SCN3A: variants seen among roughly 807,000 people sequenced by gnomAD.
SCN3A encodes the protein sodium channel protein type 3 subunit alpha.
Under a neutral mutation model 187.6 loss-of-function variants are expected in SCN3A, and 60 were observed. The observed-to-expected ratio is 0.32, with a 90% CI of 0.26 to 0.40. The LOEUF is 0.40. Ranked by LOEUF, SCN3A falls within the 10% of genes least tolerant of loss-of-function variation. The pLI is 1.00. For missense variants in SCN3A, 1,601 were observed against 2,428.2 expected (o/e 0.66, Z 7.16); for synonymous variants, 788 against 829.2 (o/e 0.95, Z 0.85).
At chr2:165,142,722 CGTG>C (rs1688081624) in intron 12 of SCN3A, among the ~76,000 whole-genome samples, 1 of 111,916 alleles carries the variant, frequency 8.9e-6, no homozygotes, top group African/African-American at 3.5e-5. Context: ...ATCCAGAACT[CGTG>C]TTGTTGTTGT....
At position 165,153,986 on chromosome 2, in the gene SCN3A, C is replaced by CTTTTTTTTT. The variant is rs1559237785; in HGVS notation, c.1380+465_1380+466insAAAAAAAAA. 6.6e-4 allele frequency among the ~76,000 whole-genome samples: 26 copies of CTTTTTTTTT among 39,138 alleles called. 1 individual carries two copies. Among genetic ancestry groups the CTTTTTTTTT allele is most frequent in the African/African-American group, 2.0e-3 (15 of 7,532 alleles). The allele number at this position is 39,138 out of a possible 152,430, so 25.7% of individuals were successfully genotyped here. A position where few individuals can be genotyped will look rare whatever the true frequency, so the allele number is the denominator to read the frequency against. Reference sequence around the variant, plus strand: ...ATATCCTGATGTGGGCTATAGCAAACATTTTTTTTTTTTTTTTTTTTTGCT... The same window carrying CTTTTTTTTT: ...ATATCCTGATGTGGGCTATAGCAAACTTTTTTTTTATTTTTTTTTTTTTTTTTTTTTGCT... On this transcript the variant is annotated intron_variant, in intron 11 of 27. Coordinates refer to ENST00000283254, the MANE Select transcript of SCN3A (RefSeq NM_006922.4).
chr2:165,161,310 A>G (rs1689383107), intron 9 of SCN3A, among the ~76,000 whole-genome samples: 1 of 151,676 alleles, frequency 6.6e-6, no homozygotes, highest in South Asian at 2.1e-4. Flanking sequence ...TACTCTCTCC[A>G]TTTTAACGAT....
intron 21 of SCN3A, among the ~76,000 whole-genome samples, chr2:165,107,469 A>G (rs1174102631): frequency 6.6e-6 from 1 of 152,234 alleles, no homozygotes; most frequent in Non-Finnish European, 1.5e-5. Flanking sequence ...AATTAATATG[A>G]AATGACAATA....
chr2:165,094,689 A>T (rs1049488269), intron 25 of SCN3A, among the ~76,000 whole-genome samples: 2 of 152,148 alleles, frequency 1.3e-5, no homozygotes, highest in Admixed American at 6.5e-5. Flanking sequence ...TCGCTACAGG[A>T]TCCTAATTTG....
In SCN3A at chr2:165,187,628, A is replaced by AT. The variant is rs1040939301; in HGVS notation, c.-247-882dup. On this transcript the variant is annotated intron_variant, in intron 1 of 27. Coordinates refer to ENST00000283254, the MANE Select transcript of SCN3A (RefSeq NM_006922.4). ...CAGATGAACTCTCTCCTAAGCCATC[A>AT]TTTTTTTTCTCTATTCTGTTACCGG... 7.9e-5 allele frequency among the ~76,000 whole-genome samples: 12 copies of AT among 152,074 alleles called. No homozygotes were observed. The South Asian group carries it at 1.5e-3, about 18-fold the overall frequency.
At chr2:165,180,913 CT>C (rs1467523844) in intron 2 of SCN3A, among the ~76,000 whole-genome samples, 1 of 152,010 alleles carries the variant, frequency 6.6e-6, no homozygotes, top group Admixed American at 6.6e-5. Flanking sequence ...ACCCAAAGAA[CT>C]TTTGTTTATC....
intron 3 of SCN3A, among the ~76,000 whole-genome samples, chr2:165,172,639 G>A (rs1257579849): frequency 1.3e-5 from 2 of 152,104 alleles, no homozygotes; most frequent in East Asian, 1.9e-4. Context: ...TTCTGCTTGC[G>A]ACATTAGGAG....
chr2:165,100,160 A>G lies in SCN3A; in HGVS notation c.3966+142T>C. 5 of 1,003,774 alleles carry G rather than the reference A, an allele frequency of 5.0e-6. No individual in the cohort carries two copies. The South Asian group carries it at 5.4e-5, about 11-fold the overall frequency. The allele number at this position is 1,003,774 out of a possible 1,614,324, so 62.2% of individuals were successfully genotyped here. On this transcript the variant is annotated intron_variant, in intron 22 of 27. Transcript: ENST00000283254. ...AAATAAACTCCAGTTTCAGAAGGCTAGGCTTTGTGATATCTAAGATTTTTG... is the reference window on the plus strand; with the variant it reads ...AAATAAACTCCAGTTTCAGAAGGCTGGGCTTTGTGATATCTAAGATTTTTG...
intron 1 of SCN3A, among the ~76,000 whole-genome samples, chr2:165,196,739 C>T (rs1667555117): frequency 6.6e-6 from 1 of 152,130 alleles, no homozygotes; most frequent in African/African-American, 2.4e-5. Flanking sequence ...TTTTAAAATG[C>T]ATTTTGGCTT....
At chr2:165,094,824 C>A (rs1467096173) in intron 25 of SCN3A, among the ~76,000 whole-genome samples, 1 of 152,166 alleles carries the variant, frequency 6.6e-6, no homozygotes, top group African/African-American at 2.4e-5. Flanking sequence ...TTAACACTTT[C>A]TGTGTGCTAG....
At chr2:165,094,794 A>G (rs1335023658) in intron 25 of SCN3A, among the ~76,000 whole-genome samples, 1 of 152,222 alleles carries the variant, frequency 6.6e-6, no homozygotes, top group Non-Finnish European at 1.5e-5. Context: ...CGATAATTTT[A>G]CTTCTTCATT....
chr2:165,130,950 A>T (rs1383432424), intron 16 of SCN3A, among the ~76,000 whole-genome samples: 1 of 152,112 alleles, frequency 6.6e-6, no homozygotes, highest in Non-Finnish European at 1.5e-5. Context: ...TTATTTGCGT[A>T]TCTTTACAGA....
intron 11 of SCN3A, among the ~76,000 whole-genome samples, chr2:165,148,479 A>G (rs1688488381): frequency 6.6e-6 from 1 of 152,012 alleles, no homozygotes; most frequent in Admixed American, 6.6e-5. Context: ...AAACTCTCCT[A>G]AGTAGTTTTC....
chr2:165,166,038 AG>A (rs1477318952), intron 5 of SCN3A, among the ~76,000 whole-genome samples: 1 of 152,232 alleles, frequency 6.6e-6, no homozygotes, highest in Non-Finnish European at 1.5e-5. Context: ...CTGTAGAGAT[AG>A]CTGGCCTTTT....
rs564533384 is a variant in SCN3A at position 165,203,234 on chromosome 2, T to C, written c.-248+589A>G. Among the ~76,000 whole-genome samples the C allele has an allele frequency of 1.0e-3, 156 of 152,090 alleles. 1 individual carries two copies. Among genetic ancestry groups the C allele is most frequent in the South Asian group, 8.9e-3 (43 of 4,828 alleles). Reference sequence around the variant, plus strand: ...AAGAAGTAGCATATTATGGAACATATAGAGATTATTTTATTTTTTGAAGGT... The same window carrying C: ...AAGAAGTAGCATATTATGGAACATACAGAGATTATTTTATTTTTTGAAGGT... On this transcript the variant is annotated intron_variant, in intron 1 of 27. Transcript: ENST00000283254.
intron 1 of SCN3A, among the ~76,000 whole-genome samples, chr2:165,186,971 C>T (rs1428749930): frequency 9.2e-5 from 14 of 152,118 alleles, no homozygotes; most frequent in Admixed American, 7.2e-4. Flanking sequence ...AGGGTTGGGA[C>T]AGGGGTGCTC....
intron 18 of SCN3A, among the ~76,000 whole-genome samples, chr2:165,125,224 A>G (rs1002044960): frequency 1.3e-5 from 2 of 151,916 alleles, no homozygotes; most frequent in African/African-American, 4.8e-5. Flanking sequence ...TTTGAGGTCT[A>G]TTTCAATTTT....
rs538755318 is a variant in SCN3A at position 165,202,988 on chromosome 2, C to G, written c.-248+835G>C. On this transcript the variant is annotated intron_variant, in intron 1 of 27. Transcript: ENST00000283254. ...ATTTATGGTTATGATATAGAATATT[C>G]TAAATACAACTACAGACAATATGGA... Among the ~76,000 whole-genome samples the G allele has an allele frequency of 3.3e-5, 5 of 151,942 alleles. No homozygotes were observed. In the East Asian group the frequency reaches 9.7e-4, roughly 29 times the overall value.
intron 9 of SCN3A, among the ~76,000 whole-genome samples, chr2:165,161,091 T>G (rs1689340562): frequency 6.6e-6 from 1 of 151,556 alleles, no homozygotes; most frequent in Admixed American, 6.6e-5. Flanking sequence ...CCTGGCTAAG[T>G]TTTTCTTTTT....
Sources: gnomAD v4.1 joint callset for allele counts (sites outside exome capture counted in the v4.1 genomes callset) on GRCh38, gnomAD v4.1.1 for gene constraint, MANE v1.5 for transcripts, NCBI Gene and HGNC (gene_info 2026-07-23, HGNC 2026-07-21) for gene names.